The following CAPN9 variants were observed in gnomAD, a reference collection of about 807,000 sequenced individuals.
CAPN9 encodes the protein calpain-9.
In CAPN9, 81 loss-of-function variants were observed where a neutral mutation model predicts 92.8. That is an observed-to-expected ratio of 0.87 (90% CI 0.73 to 1.05). The LOEUF (loss-of-function observed/expected upper bound fraction) is 1.05, where lower values mean the gene tolerates loss of function less well. Among genes scored for constraint, CAPN9 ranks in the 50% least tolerant of loss-of-function variants. CAPN9 has a pLI of 0.00. For synonymous variants in CAPN9, 304 were observed against 328.0 expected (o/e 0.93, Z 0.79); for missense variants, 848 against 866.2 (o/e 0.98, Z 0.26).
chr1:230,782,006 T>C (rs1324478188), intron 11 of CAPN9, among the ~76,000 whole-genome samples: 1 of 152,210 alleles, frequency 6.6e-6, no homozygotes, highest in Non-Finnish European at 1.5e-5. Context: ...AATATCCTAG[T>C]ATCTGTTCAC....
chr1:230,747,812 G>GT, intron 1 of CAPN9, 103 bp downstream of exon 1: 37 of 968,820 alleles, frequency 3.8e-5, no homozygotes, highest in Non-Finnish European at 5.6e-5. Context: ...GCTACGCTCA[G>GT]TGCAACTGAG....
At chr1:230,759,990 G>C (rs1161159235) in intron 3 of CAPN9, among the ~76,000 whole-genome samples, 1 of 152,214 alleles carries the variant, frequency 6.6e-6, no homozygotes, top group Non-Finnish European at 1.5e-5. Context: ...CTCATAAACA[G>C]AGAGGTTCTC....
intron 18 of CAPN9, among the ~76,000 whole-genome samples, chr1:230,796,323 C>T (rs1668352739): frequency 7.4e-6 from 1 of 135,758 alleles, no homozygotes; most frequent in Non-Finnish European, 1.6e-5. Flanking sequence ...GACTCCATCT[C>T]AAAAATATAA....
At chr1:230,767,463 A>C in intron 4 of CAPN9, 78 bp from the exon 5 acceptor site, 1 of 1,234,224 alleles carries the variant, frequency 8.1e-7, no homozygotes, top group Admixed American at 2.4e-5. Flanking sequence ...GCTTAGTTAG[A>C]AAAGCTCTGA....
rs776740536 is a variant in CAPN9 at position 230,772,094 on chromosome 1, C to T, written c.870C>T (p.Ser290=). ...AGGTTGAGTGGAACGGGTCGTGGAG[C>T]GACAGGTCAGTCACCCTATCCTGCC... The part of the protein sequence containing the change: ...WGQVEWNGSW[S]DSSPEWRSVG... The change falls in exon 7 of 20, where the codon AGC becomes AGT. Residue 290 remains serine (S), a synonymous_variant. Coordinates refer to ENST00000271971, the MANE Select transcript of CAPN9 (RefSeq NM_006615.3). The T allele has an allele frequency of 9.3e-6, 15 of 1,613,866 alleles. No individual in the cohort carries two copies. Among genetic ancestry groups the T allele is most frequent in the Middle Eastern group, 1.6e-4 (1 of 6,082 alleles).
At chr1:230,756,805 G>A (rs61828379) in intron 2 of CAPN9, among the ~76,000 whole-genome samples, 31,037 of 151,932 alleles carry the variant, frequency 0.2, 3,479 homozygotes, top group African/African-American at 0.29. Context: ...AGCCAGGCTT[G>A]GTGGTGCATG....
chr1:230,792,879 G>C lies in CAPN9; in HGVS notation c.1821G>C (p.Lys607Asn), dbSNP rs1445407222. 1 of 1,614,024 alleles carries C rather than the reference G, an allele frequency of 6.2e-7. No individual in the cohort carries two copies. Among genetic ancestry groups the C allele is most frequent in the African/African-American group, 1.3e-5 (1 of 74,950 alleles). Residue 607 changes from lysine (K) to asparagine (N), a missense_variant, in exon 17 of 20, where the codon AAG (lysine) becomes AAC (asparagine). Physicochemically the swap from Lys to Asn is moderately conservative, Grantham distance 94. Transcript: ENST00000271971. ...TTTTCCTTCGGTTTGATGCTGACAA[G>C]TCCGGCACCATGTCTACCTATGAAC... ...INLFLRFDADKSGTMSTYELR... is the reference protein window; with the variant it reads ...INLFLRFDADNSGTMSTYELR...
At chr1:230,783,928 G>A (rs1423248160) in intron 11 of CAPN9, among the ~76,000 whole-genome samples, 3 of 152,208 alleles carry the variant, frequency 2.0e-5, no homozygotes, top group Non-Finnish European at 4.4e-5. Flanking sequence ...GGCTGCCGAG[G>A]TCTCAGATGG....
chr1:230,757,494 C>G (rs564951918), intron 2 of CAPN9, among the ~76,000 whole-genome samples: 1 of 152,082 alleles, frequency 6.6e-6, no homozygotes, highest in Admixed American at 6.5e-5. Flanking sequence ...TTTTGTAACA[C>G]TTTTACTACA....
At chr1:230,798,098 G>A (rs952360309) in intron 18 of CAPN9, 64 bp from the exon 19 acceptor site, 21 of 1,276,746 alleles carry the variant, frequency 1.6e-5, no homozygotes, top group Non-Finnish European at 2.2e-5. Flanking sequence ...TTTGGTCGCT[G>A]GGAAACAAAC....
chr1:230,779,156 T>C (rs763129836), intron 9 of CAPN9, 23 bp downstream of exon 9: 1 of 1,609,556 alleles, frequency 6.2e-7, no homozygotes, highest in Non-Finnish European at 8.5e-7. Context: ...CCTGTCACTC[T>C]CTCTGCCACT....
At chr1:230,768,514 G>A (rs1038583361) in intron 5 of CAPN9, among the ~76,000 whole-genome samples, 1 of 150,298 alleles carries the variant, frequency 6.7e-6, no homozygotes, top group Non-Finnish European at 1.5e-5. Flanking sequence ...TTACTGAAAC[G>A]GGATCTTCCT....
At chr1:230,762,531 A>C in intron 3 of CAPN9, 122 bp from the exon 4 acceptor site, 1 of 1,176,116 alleles carries the variant, frequency 8.5e-7, no homozygotes, top group Non-Finnish European at 1.2e-6. Context: ...TGTGATTTTC[A>C]AAGCTGTCTA....
Position 230,779,169 on chromosome 1 carries a change from C to G in CAPN9, c.1114+36C>G, listed in dbSNP as rs1572060481. 2.5e-6 allele frequency: 4 copies of G among 1,602,968 alleles called. No homozygotes were observed. In the South Asian group the frequency reaches 4.4e-5, roughly 18 times the overall value. ...TGCCTGTCACTCTCTCTGCCACTCC[C>G]AAGTGTCCCTTCCAACTCAGGACAC... On this transcript the variant is annotated intron_variant, in intron 9 of 19. Transcript: ENST00000271971.
rs753471492 is a variant in CAPN9, at chr1:230,780,554, C to T, written c.1327C>T (p.Arg443Trp). 6.8e-6 allele frequency: 11 copies of T among 1,614,052 alleles called. No individual in the cohort carries two copies. Among genetic ancestry groups the T allele is most frequent in the African/African-American group, 5.3e-5 (4 of 74,912 alleles). The change falls in exon 11 of 20, where the codon CGG (arginine) becomes TGG (tryptophan). Residue 443 changes from arginine (R) to tryptophan (W), a missense_variant. Physicochemically the swap from Arg to Trp is moderately radical, Grantham distance 101. Coordinates refer to ENST00000271971, the MANE Select transcript of CAPN9 (RefSeq NM_006615.3). ...NKDFFRYHAS[R>W]ARSKTFINLR... ...AGACTTCTTCAGATACCACGCTTCT[C>T]GGGCCAGAAGCAAGACGTTCATCAA...
rs1252232711 is a variant in CAPN9 at position 230,772,179 on chromosome 1, A to G, written c.875+80A>G. 3.3e-6 allele frequency: 4 copies of G among 1,199,696 alleles called. No individual in the cohort carries two copies. In the African/African-American group the frequency reaches 6.0e-5, roughly 18 times the overall value. The allele number at this position is 1,199,696 out of a possible 1,614,324, so 74.3% of individuals were successfully genotyped here. The stretch of plus-strand genomic sequence containing the variant: ...GCTGGCTTGTGCAGACATGTGAAGG[A>G]GTGGCCTGTCTACTATCCTCCCGGG... On this transcript the variant is annotated intron_variant, in intron 7 of 19. Transcript: ENST00000271971.
At chr1:230,795,116 G>T in intron 17 of CAPN9, 47 bp from the exon 18 acceptor site, 1 of 1,237,692 alleles carries the variant, frequency 8.1e-7, no homozygotes, top group Non-Finnish European at 1.2e-6. Context: ...GACTCACCTC[G>T]GGGCTCGGAT....
At chr1:230,752,296 CCT>C (rs1248855789) in intron 1 of CAPN9, among the ~76,000 whole-genome samples, 1 of 152,166 alleles carries the variant, frequency 6.6e-6, no homozygotes, top group African/African-American at 2.4e-5. Context: ...CGCAGAACCC[CCT>C]GTGACTGGCA....
rs200639798 is a variant in CAPN9, at chr1:230,767,509, ACT to A, written c.537-26_537-25del. 1.6e-3 allele frequency: 2,473 copies of A among 1,578,912 alleles called. 16 individuals carry two copies. In the African/African-American group the frequency reaches 0.022, roughly 14 times the overall value. On this transcript the variant is annotated intron_variant, in intron 4 of 19. Coordinates refer to ENST00000271971, the MANE Select transcript of CAPN9 (RefSeq NM_006615.3). ...CCCCAGTGGCCTCCCTAGGTCCCTG[ACT>A]CTCTCCTCTCTCTCTTGCCACCCTT... is the stretch of plus-strand genomic sequence containing the variant.
Sources: allele counts gnomAD v4.1 joint callset (sites outside exome capture counted in the v4.1 genomes callset), GRCh38; gene constraint gnomAD v4.1.1; transcripts MANE v1.5; gene names NCBI Gene and HGNC (gene_info 2026-07-23, HGNC 2026-07-21).